The following LRRC7 variants were observed in gnomAD, a reference collection of about 807,000 sequenced individuals.
LRRC7 encodes leucine-rich repeat-containing protein 7.
A neutral mutation model predicts 175.7 loss-of-function variants in LRRC7; 23 were observed. The ratio of observed to expected loss-of-function variants is 0.13; its 90% CI spans 0.09 to 0.19. The LOEUF is 0.19. LRRC7 is among the 10% of genes least tolerant of loss of function. LRRC7 has a pLI of 1.00. For missense variants in LRRC7, 1,354 were observed against 1,904.7 expected (o/e 0.71, Z 5.38); for synonymous variants, 685 against 680.9 (o/e 1.01, Z -0.09).
chr1:69,758,092 T>C (rs1001195900), intron 2 of LRRC7, among the ~76,000 whole-genome samples: 2 of 152,010 alleles, frequency 1.3e-5, no homozygotes, highest in East Asian at 1.9e-4. Flanking sequence ...TAAGTGCCTA[T>C]TATATATAAT....
At chr1:70,013,115 CATATT>C in intron 13 of LRRC7, 26 bp downstream of exon 13, 1 of 1,349,556 alleles carries the variant, frequency 7.4e-7, no homozygotes, top group Non-Finnish European at 1.0e-6. Flanking sequence ...TTCACAATCA[CATATT>C]AGTTATTTGC....
chr1:69,583,135 AATGGAC>A (rs1646266880), intron 1 of LRRC7, among the ~76,000 whole-genome samples: 1 of 151,816 alleles, frequency 6.6e-6, no homozygotes, highest in Non-Finnish European at 1.5e-5. Context: ...ATATTTTAGG[AATGGAC>A]ATACTTAAGA....
In LRRC7 at chr1:69,598,614, A is replaced by G. The variant is rs376085951; in HGVS notation, c.2+29973A>G. The stretch of plus-strand genomic sequence containing the variant: ...TTATGAAGTGTAATCTGCTTTATTC[A>G]AAGTCCATTGATTTAAATGTTCATC... On this transcript the variant is annotated intron_variant, in intron 1 of 26. Transcript: ENST00000651989. Among the ~76,000 whole-genome samples, 12 of 152,180 alleles carry G rather than the reference A, an allele frequency of 7.9e-5. 1 individual carries two copies. Among genetic ancestry groups the G allele is most frequent in the East Asian group, 3.9e-4 (2 of 5,194 alleles).
intron 11 of LRRC7, among the ~76,000 whole-genome samples, chr1:70,002,309 G>A (rs533962683): frequency 5.3e-5 from 8 of 152,174 alleles, no homozygotes; most frequent in African/African-American, 1.7e-4. Flanking sequence ...ATCCTGAAGG[G>A]TAATACATGT....
intron 25 of LRRC7, among the ~76,000 whole-genome samples, chr1:70,101,097 A>T (rs1269869213): frequency 6.6e-6 from 1 of 152,100 alleles, no homozygotes; most frequent in East Asian, 1.9e-4. Context: ...CAATATTGAT[A>T]TTGCCCACAT....
chr1:69,707,242 G>A (rs1054321416), intron 2 of LRRC7, among the ~76,000 whole-genome samples: 4 of 152,082 alleles, frequency 2.6e-5, no homozygotes, highest in African/African-American at 7.2e-5. Flanking sequence ...ACAGTCTTTC[G>A]GCTTGTGTTC....
At chr1:69,646,414 G>A (rs1655015619) in intron 1 of LRRC7, among the ~76,000 whole-genome samples, 1 of 151,892 alleles carries the variant, frequency 6.6e-6, no homozygotes, top group African/African-American at 2.4e-5. Flanking sequence ...AATAGTATGT[G>A]GTACATATAT....
At chr1:69,953,976 TTC>T (rs983222325) in intron 8 of LRRC7, among the ~76,000 whole-genome samples, 1 of 152,068 alleles carries the variant, frequency 6.6e-6, no homozygotes, top group African/African-American at 2.4e-5. Context: ...GCTTACTTTT[TTC>T]TCTCTCTCTT....
chr1:69,735,523 G>T (rs535960466), intron 2 of LRRC7, among the ~76,000 whole-genome samples: 1 of 152,146 alleles, frequency 6.6e-6, no homozygotes, highest in African/African-American at 2.4e-5. Context: ...CCCACAACTG[G>T]TGATACTAAA....
In LRRC7 at chr1:70,125,747, C is replaced by G. The variant is rs28617355; in HGVS notation, c.*3860C>G. Among the ~76,000 whole-genome samples, 8,227 of 129,776 alleles carry G rather than the reference C, an allele frequency of 0.063. 257 individuals carry two copies. The highest frequency in any genetic ancestry group is 0.13 in the South Asian group (462 of 3,612). The allele number at this position is 129,776 out of a possible 152,430, so 85.1% of individuals were successfully genotyped here. On this transcript the variant is annotated 3_prime_UTR_variant, in exon 27 of 27. Coordinates refer to ENST00000651989, the MANE Select transcript of LRRC7 (RefSeq NM_001370785.2). ...GCGGAGCTTGCAGTGAGCCGAGATCCCGCCACTGCACTCCAGCCTGGGCGA... is the reference window on the plus strand; with the variant it reads ...GCGGAGCTTGCAGTGAGCCGAGATCGCGCCACTGCACTCCAGCCTGGGCGA...
intron 25 of LRRC7, among the ~76,000 whole-genome samples, chr1:70,094,345 C>T (rs1240979669): frequency 6.6e-6 from 1 of 152,012 alleles, no homozygotes; most frequent in Non-Finnish European, 1.5e-5. Context: ...CTAAGTTGGG[C>T]CATCTAAATG....
In LRRC7 at chr1:69,568,280, C is replaced by A; in HGVS notation, c.-360C>A. 5.0e-6 allele frequency: 1 copy of A among 198,966 alleles called. No individual in the cohort carries two copies. Among genetic ancestry groups the A allele is most frequent in the Non-Finnish European group, 9.8e-6 (1 of 101,908 alleles). 12.3% of individuals were successfully genotyped at this position (198,966 alleles called of 1,614,324 possible). On this transcript the variant is annotated 5_prime_UTR_variant, in exon 1 of 27. Transcript: ENST00000651989. ...CGGGGAGGGAGCTGCGCCTCCGCCA[C>A]CGCCGCCGCCGCCGCCGCTGCTGCT...
chr1:70,121,276 CT>C (rs1666192185), intron 26 of LRRC7, among the ~76,000 whole-genome samples: 1 of 151,978 alleles, frequency 6.6e-6, no homozygotes, highest in Non-Finnish European at 1.5e-5. Flanking sequence ...AAAAATATTT[CT>C]CTAATGTAAA....
intron 7 of LRRC7, among the ~76,000 whole-genome samples, chr1:69,868,151 T>C (rs1372236767): frequency 6.6e-6 from 1 of 152,060 alleles, no homozygotes; most frequent in Non-Finnish European, 1.5e-5. Context: ...TATGAAGCCA[T>C]TAAAATTGTT....
At chr1:69,589,625 C>T (rs185266904) in intron 1 of LRRC7, among the ~76,000 whole-genome samples, 1 of 152,240 alleles carries the variant, frequency 6.6e-6, no homozygotes, top group African/African-American at 2.4e-5. Context: ...ATAAGGGATG[C>T]TATTAAAACT....
chr1:69,727,910 A>G (rs955869239), intron 2 of LRRC7, among the ~76,000 whole-genome samples: 3 of 152,204 alleles, frequency 2.0e-5, no homozygotes, highest in Non-Finnish European at 4.4e-5. Context: ...TCTGAGTGTG[A>G]GGATGGTGTA....
At chr1:69,582,749 A>G (rs538129208) in intron 1 of LRRC7, among the ~76,000 whole-genome samples, 51 of 152,270 alleles carry the variant, frequency 3.3e-4, no homozygotes, top group African/African-American at 1.0e-3. Context: ...ACTGGCACCA[A>G]AGGAATGGCA....
intron 1 of LRRC7, among the ~76,000 whole-genome samples, chr1:69,636,211 A>T (rs764928443): frequency 1.3e-5 from 2 of 152,056 alleles, no homozygotes; most frequent in Non-Finnish European, 2.9e-5. Context: ...ATGCAACCAC[A>T]TATGTGATTC....
rs1184654795 is a variant in LRRC7 at position 69,730,665 on chromosome 1, C to A, written c.101-29526C>A. Among the ~76,000 whole-genome samples the A allele has an allele frequency of 2.0e-5, 3 of 152,244 alleles. No individual in the cohort carries two copies. In the East Asian group the frequency reaches 5.8e-4, roughly 29 times the overall value. ...GAGTCCTCCAAGTCTCTAGGAAGCT[C>A]CAAACTTTTCCACATTTTCCTATCT... On this transcript the variant is annotated intron_variant, in intron 2 of 26. Coordinates refer to ENST00000651989, the MANE Select transcript of LRRC7 (RefSeq NM_001370785.2).
Sources: allele counts gnomAD v4.1 joint callset (sites outside exome capture counted in the v4.1 genomes callset), GRCh38; gene constraint gnomAD v4.1.1; transcripts MANE v1.5; gene names NCBI Gene and HGNC (gene_info 2026-07-23, HGNC 2026-07-21).